Variants in DLGAP2 observed in about 807,000 individuals in gnomAD.
DLGAP2 encodes the protein disks large-associated protein 2.
In DLGAP2, 26 loss-of-function variants were observed where a neutral mutation model predicts 100.3. That is an observed-to-expected ratio of 0.26 (90% CI 0.19 to 0.36). The LOEUF is 0.36. Ranked by LOEUF, DLGAP2 falls within the 10% of genes least tolerant of loss-of-function variation. The pLI is 1.00. For missense variants in DLGAP2, 1,858 were observed against 1,453.2 expected (o/e 1.28, Z -4.53); for synonymous variants, 886 against 630.1 (o/e 1.41, Z -6.08).
At chr8:758,711 A>C (rs1479615676) in intron 1 of DLGAP2, among the ~76,000 whole-genome samples, 1 of 152,014 alleles carries the variant, frequency 6.6e-6, no homozygotes, top group Non-Finnish European at 1.5e-5. Flanking sequence ...ACAGGTGTGC[A>C]CCACCACACC....
At chr8:1,230,598 A>C (rs1171521385) in intron 2 of DLGAP2, among the ~76,000 whole-genome samples, 2 of 152,218 alleles carry the variant, frequency 1.3e-5, no homozygotes, top group African/African-American at 4.8e-5. Context: ...ATGTTACCTG[A>C]CTTCAAACTG....
At chr8:947,438 G>C (rs890201142) in intron 2 of DLGAP2, among the ~76,000 whole-genome samples, 1 of 152,228 alleles carries the variant, frequency 6.6e-6, no homozygotes, top group African/African-American at 2.4e-5. Context: ...GGCCCCTTAC[G>C]TCCGCGCGGC....
intron 2 of DLGAP2, among the ~76,000 whole-genome samples, chr8:1,196,447 G>C (rs1797751353): frequency 6.6e-6 from 1 of 152,186 alleles, no homozygotes; most frequent in Admixed American, 6.5e-5. Context: ...GAACGAGACA[G>C]TGATCCTGTG....
chr8:946,882 A>G (rs1219230198), intron 2 of DLGAP2, among the ~76,000 whole-genome samples: 1 of 152,182 alleles, frequency 6.6e-6, no homozygotes. Flanking sequence ...CAGCCTTCGT[A>G]GCACAGTCTG....
chr8:1,298,567 C>T (rs188211939), intron 3 of DLGAP2, among the ~76,000 whole-genome samples: 26 of 152,160 alleles, frequency 1.7e-4, no homozygotes, highest in South Asian at 2.1e-4. Context: ...GCGTGGGGGA[C>T]GGCTCAGTAG....
At chr8:1,500,022 C>G (rs1484438449) in intron 3 of DLGAP2, among the ~76,000 whole-genome samples, 2 of 152,178 alleles carry the variant, frequency 1.3e-5, no homozygotes, top group African/African-American at 4.8e-5. Context: ...GCCTCAAAGC[C>G]TGTCCATGAA....
At chr8:1,344,648 A>G (rs866868850) in intron 3 of DLGAP2, among the ~76,000 whole-genome samples, 2 of 152,098 alleles carry the variant, frequency 1.3e-5, no homozygotes, top group Admixed American at 6.5e-5. Flanking sequence ...GCTACATCCT[A>G]ACGCTGGGCT....
intron 3 of DLGAP2, among the ~76,000 whole-genome samples, chr8:1,442,723 G>C (rs889601265): frequency 2.0e-5 from 3 of 149,640 alleles, no homozygotes; most frequent in Non-Finnish European, 4.4e-5. Flanking sequence ...TCCGGGCATA[G>C]ACCCGCCAGG....
chr8:1,696,655 A>T (rs914265004), intron 13 of DLGAP2, among the ~76,000 whole-genome samples: 1 of 152,206 alleles, frequency 6.6e-6, no homozygotes, highest in Non-Finnish European at 1.5e-5. Flanking sequence ...TGGTGAGAGC[A>T]TCCTGTTCCT....
chr8:1,388,698 T>G (rs1350981966), intron 3 of DLGAP2, among the ~76,000 whole-genome samples: 2 of 80,316 alleles, frequency 2.5e-5, no homozygotes, highest in East Asian at 5.6e-4. Context: ...GTCAGGGCTG[T>G]AAGAGGCAGA....
At chr8:989,532 C>T (rs993295509) in intron 2 of DLGAP2, among the ~76,000 whole-genome samples, 2 of 152,168 alleles carry the variant, frequency 1.3e-5, no homozygotes, top group Non-Finnish European at 2.9e-5. Context: ...TTGGTACCAA[C>T]TTTCTCACAT....
intron 2 of DLGAP2, among the ~76,000 whole-genome samples, chr8:1,252,382 C>T (rs577960959): frequency 5.6e-5 from 8 of 143,190 alleles, no homozygotes; most frequent in Non-Finnish European, 9.6e-5. Context: ...GGTGTTGTCA[C>T]ATGGGTGTGT....
chr8:1,355,720 C>G (rs1335584873), intron 3 of DLGAP2, among the ~76,000 whole-genome samples: 3 of 152,072 alleles, frequency 2.0e-5, no homozygotes, highest in Non-Finnish European at 4.4e-5. Flanking sequence ...CTGGTAGCCA[C>G]AGAGCTCTGA....
At chr8:1,041,534 G>A (rs980524053) in intron 2 of DLGAP2, among the ~76,000 whole-genome samples, 21 of 150,820 alleles carry the variant, frequency 1.4e-4, no homozygotes, top group Admixed American at 3.9e-4. Context: ...GCCCCTTGCC[G>A]TGGGTGAGTG....
At chr8:1,466,363 GA>G (rs1439199109) in intron 3 of DLGAP2, among the ~76,000 whole-genome samples, 1 of 152,078 alleles carries the variant, frequency 6.6e-6, no homozygotes, top group Non-Finnish European at 1.5e-5. Flanking sequence ...GCTGCCGCAG[GA>G]GACATTTCCC....
chr8:933,162 T>C (rs905422), intron 2 of DLGAP2, among the ~76,000 whole-genome samples: 57,306 of 152,154 alleles, frequency 0.38, 11,453 homozygotes, highest in Admixed American at 0.52. Flanking sequence ...CTTTGGCTTA[T>C]GGGTGGTCGG....
At chr8:1,244,928 A>G (rs1451503608) in intron 2 of DLGAP2, among the ~76,000 whole-genome samples, 5 of 152,272 alleles carry the variant, frequency 3.3e-5, no homozygotes, top group African/African-American at 4.8e-5. Flanking sequence ...ACATAAAAAG[A>G]CAAGCCGAGA....
chr8:1,262,074 GGTTA>G (rs1452411092), intron 3 of DLGAP2, among the ~76,000 whole-genome samples: 18 of 152,182 alleles, frequency 1.2e-4, no homozygotes, highest in African/African-American at 4.3e-4. Flanking sequence ...GCATTTTAAT[GGTTA>G]GTTCTGTCTG....
At chr8:1,598,245 G>A (rs1275737120) in intron 6 of DLGAP2, among the ~76,000 whole-genome samples, 2 of 152,172 alleles carry the variant, frequency 1.3e-5, no homozygotes, top group Non-Finnish European at 2.9e-5. Flanking sequence ...ACTTTTTGAT[G>A]TGCTGCTGTA....
Sources: allele counts gnomAD v4.1 joint callset (sites outside exome capture counted in the v4.1 genomes callset), GRCh38; gene constraint gnomAD v4.1.1; transcripts MANE v1.5; gene names NCBI Gene and HGNC (gene_info 2026-07-23, HGNC 2026-07-21).